The following GPHN variants were observed in gnomAD, a reference collection of about 807,000 sequenced individuals.
The protein encoded by GPHN is gephyrin.
In GPHN, 17 loss-of-function variants were observed where a neutral mutation model predicts 95.5. The ratio of observed to expected loss-of-function variants is 0.18; its 90% confidence interval spans 0.12 to 0.27. The LOEUF (loss-of-function observed/expected upper bound fraction) is 0.27. Among genes scored for constraint, GPHN ranks in the 10% least tolerant of loss-of-function variants. The pLI is 1.00. For missense variants in GPHN, 660 were observed against 978.1 expected (o/e 0.67, Z 4.34); for synonymous variants, 320 against 322.5 (o/e 0.99, Z 0.08).
chr14:67,144,571 A>G (rs527538414), intron 18 of GPHN, among the ~76,000 whole-genome samples: 25 of 152,134 alleles, frequency 1.6e-4, no homozygotes, highest in African/African-American at 5.8e-4. Flanking sequence ...ATTAATGACT[A>G]AACTGAAAAA....
At chr14:67,577,955 C>A in the GPHN span, 1 of 1,465,048 alleles carries the variant, frequency 6.8e-7, no homozygotes, top group Non-Finnish European at 9.4e-7. Context: ...TGGAAAATGG[C>A]CAAGCCGTTG....
intron 21 of GPHN, 184 bp downstream of exon 21, chr14:67,169,220 T>C (rs1011947967): frequency 4.8e-6 from 3 of 620,700 alleles, no homozygotes; most frequent in African/African-American, 3.7e-5. Flanking sequence ...TCCTACTTCA[T>C]GACTTCTAAA....
chr14:66,865,365 A>C lies in GPHN; in HGVS notation c.295-14574A>C, dbSNP rs1434040848. On this transcript the variant is annotated intron_variant, in intron 4 of 22. Coordinates refer to ENST00000478722, the MANE Select transcript of GPHN (RefSeq NM_020806.5). ...AGTGTCTCATGTACTTCCCAAATTT[A>C]TGCAGTACCTACTGCATACCCAGGA... 2.6e-5 allele frequency among the ~76,000 whole-genome samples: 4 copies of C among 152,250 alleles called. No homozygotes were observed. The East Asian group carries it at 7.7e-4, about 29-fold the overall frequency.
the GPHN span, chr14:67,735,209 C>A: frequency 5.3e-5 from 77 of 1,457,752 alleles, no homozygotes; most frequent in East Asian, 1.6e-3. Flanking sequence ...CAGACTCCAT[C>A]ATTTCTCGTG....
the GPHN span, among the ~76,000 whole-genome samples, chr14:67,689,325 T>G: frequency 6.6e-6 from 1 of 152,258 alleles, no homozygotes; most frequent in Non-Finnish European, 1.5e-5. Flanking sequence ...CCTCAATTCC[T>G]AGCACAGTTC....
chr14:66,543,897 C>G (rs944166679), intron 1 of GPHN, among the ~76,000 whole-genome samples: 1 of 152,158 alleles, frequency 6.6e-6, no homozygotes, highest in Non-Finnish European at 1.5e-5. Flanking sequence ...CTTTTGCAGT[C>G]TTTTCCAAAC....
the GPHN span, chr14:67,338,715 T>C: frequency 6.2e-7 from 1 of 1,613,744 alleles, no homozygotes. Context: ...CAAGTCCTTC[T>C]CAGATTTTTC....
At chr14:66,740,991 TG>T (rs1412736440) in intron 2 of GPHN, among the ~76,000 whole-genome samples, 3 of 152,188 alleles carry the variant, frequency 2.0e-5, no homozygotes, top group Non-Finnish European at 4.4e-5. Flanking sequence ...TGGCATCTCA[TG>T]GCAGAAGGAA....
At chr14:66,916,502 G>GTTTTTTTTTTTTTTT (rs755169347) in intron 6 of GPHN, among the ~76,000 whole-genome samples, 1 of 128,326 alleles carries the variant, frequency 7.8e-6, no homozygotes, top group African/African-American at 2.9e-5. Context: ...TTTTGGTTTG[G>GTTTTTTTTTTTTTTT]TTTTTTTTTT....
chr14:66,685,998 T>TCG (rs2067329507), intron 2 of GPHN, among the ~76,000 whole-genome samples: 3 of 151,778 alleles, frequency 2.0e-5, no homozygotes, highest in Admixed American at 2.0e-4. Flanking sequence ...ATTTATTAAA[T>TCG]AGGGAATCCT....
chr14:66,848,983 C>G (rs759977150), intron 4 of GPHN, among the ~76,000 whole-genome samples: 4 of 151,818 alleles, frequency 2.6e-5, no homozygotes, highest in Non-Finnish European at 4.4e-5. Context: ...AGTACACTTA[C>G]TGTATGCCAT....
intron 22 of GPHN, among the ~76,000 whole-genome samples, chr14:67,180,311 G>A (rs1595519708): frequency 6.6e-6 from 1 of 152,266 alleles, no homozygotes; most frequent in South Asian, 2.1e-4. Context: ...CCATCAGAGA[G>A]AACTGCATTC....
intron 18 of GPHN, among the ~76,000 whole-genome samples, chr14:67,156,297 C>G (rs2153714436): frequency 6.6e-6 from 1 of 151,962 alleles, no homozygotes; most frequent in South Asian, 2.1e-4. Context: ...AAATAAAATA[C>G]ATATACTTAA....
At chr14:67,049,220 G>T (rs2075182376) in intron 10 of GPHN, among the ~76,000 whole-genome samples, 1 of 151,248 alleles carries the variant, frequency 6.6e-6, no homozygotes, top group South Asian at 2.1e-4. Flanking sequence ...GTTTGTTGTT[G>T]TTGTTGTTGT....
At chr14:67,529,326 T>C in the GPHN span, among the ~76,000 whole-genome samples, 3 of 152,290 alleles carry the variant, frequency 2.0e-5, no homozygotes, top group Non-Finnish European at 4.4e-5. Context: ...CTGTGTCCCC[T>C]GGGTGGAAGA....
intron 2 of GPHN, among the ~76,000 whole-genome samples, chr14:66,687,486 GTTTTTT>G (rs1200775448): frequency 1.6e-5 from 2 of 124,944 alleles, no homozygotes; most frequent in African/African-American, 3.1e-5. Context: ...ATTTTATTTG[GTTTTTT>G]TTTTTTTTTT....
chr14:67,656,114 C>T, the GPHN span, among the ~76,000 whole-genome samples: 8 of 151,944 alleles, frequency 5.3e-5, no homozygotes, highest in South Asian at 2.1e-4. Flanking sequence ...GGCATGGTGG[C>T]GCATGCCTGT....
chr14:67,724,207 C>T, the GPHN span, among the ~76,000 whole-genome samples: 11 of 152,200 alleles, frequency 7.2e-5, no homozygotes, highest in Non-Finnish European at 1.5e-4. Flanking sequence ...TCCATTGGCC[C>T]TGACTCCAGC....
At chr14:67,567,291 A>G in the GPHN span, among the ~76,000 whole-genome samples, 1 of 152,228 alleles carries the variant, frequency 6.6e-6, no homozygotes, top group African/African-American at 2.4e-5. Context: ...TGACGGTGTG[A>G]GAAATACTTA....
Sources: allele counts gnomAD v4.1 joint callset (sites outside exome capture counted in the v4.1 genomes callset), GRCh38; gene constraint gnomAD v4.1.1; transcripts MANE v1.5; gene names NCBI Gene and HGNC (gene_info 2026-07-23, HGNC 2026-07-21).